GALNT18: variants seen among roughly 807,000 people sequenced by gnomAD.
The protein encoded by GALNT18 is GalNAc-transferase 18.
GALNT18 carries 44 observed loss-of-function variants against 69.5 expected under a neutral mutation model. That is an observed-to-expected ratio of 0.63 (90% confidence interval 0.50 to 0.81). The LOEUF (loss-of-function observed/expected upper bound fraction) is 0.81. Among genes scored for constraint, GALNT18 ranks in the 40% least tolerant of loss-of-function variants. The pLI is 0.00. For synonymous variants in GALNT18, 364 were observed against 318.2 expected (o/e 1.14, Z -1.53); for missense variants, 715 against 810.0 (o/e 0.88, Z 1.42).
intron 6 of GALNT18, chr11:11,352,057 T>A (rs772932931): frequency 6.2e-7 from 1 of 1,613,710 alleles, no homozygotes; most frequent in Non-Finnish European, 8.5e-7. Context: ...ACTGAAGAAA[T>A]CCCTGACATC....
intron 1 of GALNT18, among the ~76,000 whole-genome samples, chr11:11,578,506 G>C (rs964284616): frequency 8.5e-5 from 13 of 152,220 alleles, no homozygotes; most frequent in Non-Finnish European, 1.9e-4. Context: ...CTGGTAATGT[G>C]TGCAATGGCC....
intron 6 of GALNT18, among the ~76,000 whole-genome samples, chr11:11,342,209 GAATA>G (rs757909306): frequency 2.6e-5 from 4 of 152,102 alleles, no homozygotes; most frequent in Non-Finnish European, 5.9e-5. Flanking sequence ...AGTACTTGCT[GAATA>G]AATAAATGAT....
At chr11:11,305,974 A>C (rs1289627446) in intron 9 of GALNT18, among the ~76,000 whole-genome samples, 1 of 152,148 alleles carries the variant, frequency 6.6e-6, no homozygotes, top group African/African-American at 2.4e-5. Flanking sequence ...AAACTCCTCT[A>C]AGCTGCTCTC....
At chr11:11,294,271 G>A (rs556361940) in intron 9 of GALNT18, among the ~76,000 whole-genome samples, 29 of 152,350 alleles carry the variant, frequency 1.9e-4, no homozygotes, top group African/African-American at 7.0e-4. Flanking sequence ...GGGAAATGCT[G>A]TCTACCAGAG....
intron 10 of GALNT18, among the ~76,000 whole-genome samples, chr11:11,292,372 A>C (rs1230622694): frequency 1.3e-5 from 2 of 152,184 alleles, no homozygotes; most frequent in Admixed American, 1.3e-4. Context: ...AATGGGAGCT[A>C]CTAGGGGCCA....
chr11:11,619,538 A>G lies in GALNT18; in HGVS notation c.235+1821T>C, dbSNP rs1228020176. On this transcript the variant is annotated intron_variant, in intron 1 of 10. Coordinates refer to ENST00000227756, the MANE Select transcript of GALNT18 (RefSeq NM_198516.3). This position sits in a 1 kb window ranked among gnomAD's most constrained non-coding sequence, Gnocchi z 4.9. ...CATCCCCTGAAAGCATCCCCAAAGC[A>G]GTACCTTGCTCACCTCCTGCCTGAC... Among the ~76,000 whole-genome samples, 4 of 152,156 alleles carry G rather than the reference A, an allele frequency of 2.6e-5. No homozygotes were observed. Among genetic ancestry groups the G allele is most frequent in the Non-Finnish European group, 5.9e-5 (4 of 68,026 alleles).
rs950561897 is a variant in GALNT18, at chr11:11,383,069, G to A, written c.596-3805C>T. On this transcript the variant is annotated intron_variant, in intron 3 of 10. Coordinates refer to ENST00000227756, the MANE Select transcript of GALNT18 (RefSeq NM_198516.3). The surrounding 1 kb of genome is among the most constrained non-coding windows in gnomAD (Gnocchi z 5.2). The stretch of plus-strand genomic sequence containing the variant: ...AAATCCCTGATCTCCTGACATTGGA[G>A]GGACCTCTGTAAACCAGCACTACCA... Among the ~76,000 whole-genome samples the A allele has an allele frequency of 3.9e-5, 6 of 152,110 alleles. No individual in the cohort carries two copies. Among genetic ancestry groups the A allele is most frequent in the African/African-American group, 7.2e-5 (3 of 41,406 alleles).
Position 11,594,848 on chromosome 11 carries a change from T to TATATATAC in GALNT18, c.235+26510_235+26511insGTATATAT, listed in dbSNP as rs1488821833. Among the ~76,000 whole-genome samples the TATATATAC allele has an allele frequency of 6.9e-3, 793 of 114,148 alleles. 6 individuals carry two copies. Among genetic ancestry groups the TATATATAC allele is most frequent in the East Asian group, 0.045 (174 of 3,882 alleles). 74.9% of individuals were successfully genotyped at this position (114,148 alleles called of 152,430 possible). The stretch of plus-strand genomic sequence containing the variant: ...ATATATATATATATATATACACATA[T>TATATATAC]ACATACATACACACACATAAATATA... On this transcript the variant is annotated intron_variant, in intron 1 of 10. Coordinates refer to ENST00000227756, the MANE Select transcript of GALNT18 (RefSeq NM_198516.3).
rs1855239943 is a variant in GALNT18, at chr11:11,430,433, C to T, written c.595+2188G>A. On this transcript the variant is annotated intron_variant, in intron 3 of 10. Coordinates refer to ENST00000227756, the MANE Select transcript of GALNT18 (RefSeq NM_198516.3). This position sits in a 1 kb window ranked among gnomAD's most constrained non-coding sequence, Gnocchi z 4.9. ...ATAGGCAGGCACTGGTTTGGGTGTG[C>T]ATATACAGCTCGATGCAGTTGTGAT... Among the ~76,000 whole-genome samples, 1 of 152,232 alleles carries T rather than the reference C, an allele frequency of 6.6e-6. No homozygotes were observed. The highest frequency in any genetic ancestry group is 2.1e-4 in the South Asian group (1 of 4,830).
At chr11:11,326,414 C>G (rs1429662235) in intron 9 of GALNT18, among the ~76,000 whole-genome samples, 1 of 152,202 alleles carries the variant, frequency 6.6e-6, no homozygotes, top group Admixed American at 6.5e-5. Context: ...CAATTCAGAA[C>G]AGGTCAGCCT....
intron 6 of GALNT18, among the ~76,000 whole-genome samples, chr11:11,344,160 A>C (rs1589922764): frequency 6.6e-6 from 1 of 150,464 alleles, no homozygotes; most frequent in African/African-American, 2.5e-5. Flanking sequence ...CTTGCCCCCC[A>C]CCACCCCTCC....
rs963925085 is a variant in GALNT18 at position 11,327,722 on chromosome 11, C to T, written c.1417-541G>A. Among the ~76,000 whole-genome samples the T allele has an allele frequency of 4.6e-5, 7 of 152,194 alleles. No individual in the cohort carries two copies. In the South Asian group the frequency reaches 1.5e-3, roughly 32 times the overall value. Reference sequence around the variant, plus strand: ...AGAGAGGAGGGGGCCAGGGTGGGAGCAGGAGAAGAGAGCAGCATCTCTTAT... The same window carrying T: ...AGAGAGGAGGGGGCCAGGGTGGGAGTAGGAGAAGAGAGCAGCATCTCTTAT... On this transcript the variant is annotated intron_variant, in intron 8 of 10. Transcript: ENST00000227756.
At chr11:11,507,912 G>T (rs1320662190) in intron 1 of GALNT18, among the ~76,000 whole-genome samples, 1 of 152,208 alleles carries the variant, frequency 6.6e-6, no homozygotes, top group African/African-American at 2.4e-5. Context: ...TCCCATGCTG[G>T]ATGCTTCCTG....
At chr11:11,471,601 C>A (rs1362112385) in intron 1 of GALNT18, among the ~76,000 whole-genome samples, 2 of 152,090 alleles carry the variant, frequency 1.3e-5, no homozygotes, top group Non-Finnish European at 2.9e-5. Flanking sequence ...AAATTTTTAG[C>A]CTAATAGAGG....
chr11:11,610,325 C>G (rs1275786095), intron 1 of GALNT18, among the ~76,000 whole-genome samples: 1 of 152,180 alleles, frequency 6.6e-6, no homozygotes, highest in Non-Finnish European at 1.5e-5. Context: ...GCAGCTGAAC[C>G]TGGGATAAGC....
In GALNT18 at chr11:11,271,151, G is replaced by T; in HGVS notation, c.1817C>A (p.Ala606Glu). ...WSITNVLRSL[A>E]S is the part of the protein sequence containing the mutation. ...GGAAGTGGCCCCGGTGGGTCAGGAC[G>T]CGAGGCTCCTCAGGACGTTGGTGAT... The change falls in exon 11 of 11, where the codon GCG becomes GAG. Residue 606 changes from alanine to glutamate, a missense_variant. Ala to Glu is a moderately radical substitution (Grantham distance 107). Coordinates refer to ENST00000227756, the MANE Select transcript of GALNT18 (RefSeq NM_198516.3). 6.2e-7 allele frequency: 1 copy of T among 1,611,218 alleles called. No individual in the cohort carries two copies. Among genetic ancestry groups the T allele is most frequent in the Non-Finnish European group, 8.5e-7 (1 of 1,177,686 alleles).
chr11:11,432,516 G>A lies in GALNT18; in HGVS notation c.595+105C>T. 1 of 1,145,496 alleles carries A rather than the reference G, an allele frequency of 8.7e-7. No individual in the cohort carries two copies. The highest frequency in any genetic ancestry group is 1.6e-5 in the African/African-American group (1 of 64,336). 71.0% of individuals were successfully genotyped at this position (1,145,496 alleles called of 1,614,324 possible). On this transcript the variant is annotated intron_variant, in intron 3 of 10. Transcript: ENST00000227756. This position sits in a 1 kb window ranked among gnomAD's most constrained non-coding sequence, Gnocchi z 5.8. ...TTCTCATCTATGCTCCAGAGAAAGA[G>A]CAGCCACAGACAGCCTTGAGCAAAT...
chr11:11,492,662 C>T (rs1338304202), intron 1 of GALNT18, among the ~76,000 whole-genome samples: 3 of 151,234 alleles, frequency 2.0e-5, no homozygotes, highest in African/African-American at 7.3e-5. Context: ...AAACCAAACA[C>T]CGCATGTTCT....
chr11:11,348,546 A>G (rs7932457), intron 6 of GALNT18, among the ~76,000 whole-genome samples: 17,611 of 151,976 alleles, frequency 0.12, 3,259 homozygotes, highest in African/African-American at 0.4. Context: ...TCACTCCCAC[A>G]CTGGTAACCT....
Sources: gnomAD v4.1 joint callset for allele counts (sites outside exome capture counted in the v4.1 genomes callset) on GRCh38, gnomAD v4.1.1 for gene constraint, Gnocchi (gnomAD v3.1) non-coding constraint, MANE v1.5 for transcripts, NCBI Gene and HGNC (gene_info 2026-07-23, HGNC 2026-07-21) for gene names.